OSBPL10: variants seen among roughly 807,000 people sequenced by gnomAD.
OSBPL10 encodes the protein oxysterol-binding protein-related protein 10.
In OSBPL10, 49 loss-of-function variants were observed where a neutral mutation model predicts 81.7. The observed-to-expected ratio is 0.60, with a 90% CI of 0.48 to 0.76. OSBPL10 has a LOEUF of 0.76. OSBPL10 is among the 30% of genes least tolerant of loss of function. The pLI, the probability that OSBPL10 is intolerant of heterozygous loss-of-function variation, is 0.00. For missense variants in OSBPL10, 923 were observed against 987.8 expected (o/e 0.93, Z 0.88); for synonymous variants, 419 against 383.6 (o/e 1.09, Z -1.08).
rs573718920 is a variant in OSBPL10, at chr3:31,710,441, T to C, written c.1096-7933A>G. Among the ~76,000 whole-genome samples the C allele has an allele frequency of 7.9e-5, 12 of 152,280 alleles. No homozygotes were observed. The East Asian group carries it at 1.7e-3, about 22-fold the overall frequency. ...CCCACAGCTTCCCTCTCAAAGCTGA[T>C]TGACACCACCCAAGCTCCTCTCCTA... is the stretch of plus-strand genomic sequence containing the variant. On this transcript the variant is annotated intron_variant, in intron 6 of 11. Coordinates refer to ENST00000396556, the MANE Select transcript of OSBPL10 (RefSeq NM_017784.5).
At chr3:31,696,333 A>C (rs1260178093) in intron 7 of OSBPL10, among the ~76,000 whole-genome samples, 1 of 151,840 alleles carries the variant, frequency 6.6e-6, no homozygotes, top group Non-Finnish European at 1.5e-5. Context: ...AAGAAACCAA[A>C]TCTCCCTTAA....
chr3:32,051,683 C>G (rs906399846), intron 1 of OSBPL10, among the ~76,000 whole-genome samples: 1 of 152,146 alleles, frequency 6.6e-6, no homozygotes, highest in African/African-American at 2.4e-5. Flanking sequence ...TTTCCTAGAC[C>G]TGTTTCTTGA....
intron 1 of OSBPL10, among the ~76,000 whole-genome samples, chr3:31,913,511 G>T (rs1031457899): frequency 4.6e-5 from 7 of 152,170 alleles, no homozygotes; most frequent in African/African-American, 1.7e-4. Context: ...GCCTCCCAAA[G>T]TGCTGGGATT....
At chr3:32,030,386 T>A (rs1406183097) in intron 2 of OSBPL10, 1 of 606,718 alleles carries the variant, frequency 1.6e-6, no homozygotes, top group African/African-American at 1.8e-5. Context: ...ACTGGAAGAG[T>A]CTACAATGTG....
chr3:31,944,522 C>T (rs1035910879), intron 1 of OSBPL10, among the ~76,000 whole-genome samples: 1 of 152,078 alleles, frequency 6.6e-6, no homozygotes, highest in African/African-American at 2.4e-5. Context: ...TACATATGGA[C>T]ATGTGGAGAG....
intron 1 of OSBPL10, among the ~76,000 whole-genome samples, chr3:31,893,932 TGTG>T (rs1461284163): frequency 3.9e-5 from 6 of 152,320 alleles, no homozygotes; most frequent in African/African-American, 9.6e-5. Flanking sequence ...CAAACTGAAT[TGTG>T]GTGATAGTTA....
At chr3:31,752,707 G>A (rs1192967677) in intron 4 of OSBPL10, among the ~76,000 whole-genome samples, 1 of 152,172 alleles carries the variant, frequency 6.6e-6, no homozygotes, top group Non-Finnish European at 1.5e-5. Flanking sequence ...GTAAAGCAAG[G>A]GCTGCGGGAG....
chr3:31,939,181 G>A (rs1697469192), intron 1 of OSBPL10, among the ~76,000 whole-genome samples: 2 of 120,632 alleles, frequency 1.7e-5, no homozygotes, highest in Non-Finnish European at 3.3e-5. Context: ...GTTTCACTCT[G>A]TCGCCCAGGC....
chr3:31,894,358 A>C (rs1257656174), intron 1 of OSBPL10, among the ~76,000 whole-genome samples: 2 of 152,212 alleles, frequency 1.3e-5, no homozygotes, highest in Non-Finnish European at 2.9e-5. Flanking sequence ...GAATTCTAAC[A>C]TTAAACAGGG....
intron 2 of OSBPL10, among the ~76,000 whole-genome samples, chr3:32,016,019 A>G (rs1699310536): frequency 1.3e-5 from 2 of 152,234 alleles, no homozygotes; most frequent in Non-Finnish European, 1.5e-5. Flanking sequence ...TAGTTCAACC[A>G]TTGTGGAAGT....
At chr3:31,745,825 C>G (rs188416929) in intron 5 of OSBPL10, among the ~76,000 whole-genome samples, 1 of 152,128 alleles carries the variant, frequency 6.6e-6, no homozygotes, top group East Asian at 1.9e-4. Flanking sequence ...AAAAGAAAAC[C>G]AAATTACCCA....
At chr3:31,761,226 C>T (rs1366709678) in intron 4 of OSBPL10, among the ~76,000 whole-genome samples, 1 of 152,144 alleles carries the variant, frequency 6.6e-6, no homozygotes. Context: ...GTAATCCCAG[C>T]ACTTTGGGAG....
chr3:31,815,401 C>T (rs570381020), intron 4 of OSBPL10, among the ~76,000 whole-genome samples: 97 of 152,320 alleles, frequency 6.4e-4, no homozygotes, highest in African/African-American at 2.1e-3. Context: ...ATCAGGGCAG[C>T]TTATGACTCT....
At chr3:32,008,771 A>G (rs1173007646) in intron 2 of OSBPL10, among the ~76,000 whole-genome samples, 1 of 151,974 alleles carries the variant, frequency 6.6e-6, no homozygotes, top group African/African-American at 2.4e-5. Context: ...AAAAAAAAAA[A>G]AAAAAAGAAG....
intron 2 of OSBPL10, among the ~76,000 whole-genome samples, chr3:32,004,663 T>C (rs1476062919): frequency 6.6e-6 from 1 of 152,144 alleles, no homozygotes; most frequent in Non-Finnish European, 1.5e-5. Flanking sequence ...TCAACAAAAC[T>C]ATTGAACACC....
chr3:31,707,930 G>A (rs1696124951), intron 6 of OSBPL10, among the ~76,000 whole-genome samples: 1 of 152,018 alleles, frequency 6.6e-6, no homozygotes, highest in South Asian at 2.1e-4. Flanking sequence ...GACATAGATA[G>A]AGGCTAGGGA....
At chr3:31,999,597 G>T (rs866877892) in intron 2 of OSBPL10, among the ~76,000 whole-genome samples, 4 of 151,932 alleles carry the variant, frequency 2.6e-5, no homozygotes, top group Admixed American at 6.6e-5. Flanking sequence ...CCTACCTCAG[G>T]TGATCTGCCT....
rs530297654 is a variant in OSBPL10, at chr3:31,827,694, G to GTAA, written c.729+2343_729+2345dup. ...TATAGATTTTTACGTATCTACATCT[G>GTAA]TAATACACAGGGAAAAAAACCCAAA... On this transcript the variant is annotated intron_variant, in intron 4 of 11. Coordinates refer to ENST00000396556, the MANE Select transcript of OSBPL10 (RefSeq NM_017784.5). Among the ~76,000 whole-genome samples the GTAA allele has an allele frequency of 3.5e-3, 536 of 152,026 alleles. 1 individual carries two copies. Among genetic ancestry groups the GTAA allele is most frequent in the African/African-American group, 0.012 (508 of 41,456 alleles).
intron 1 of OSBPL10, among the ~76,000 whole-genome samples, chr3:31,885,423 G>A (rs1268506349): frequency 1.3e-5 from 2 of 152,042 alleles, no homozygotes; most frequent in African/African-American, 4.8e-5. Flanking sequence ...ACCTGCACAT[G>A]TTCTCACTCG....
Sources: allele counts gnomAD v4.1 joint callset (sites outside exome capture counted in the v4.1 genomes callset), GRCh38; gene constraint gnomAD v4.1.1; transcripts MANE v1.5; gene names NCBI Gene and HGNC (gene_info 2026-07-23, HGNC 2026-07-21).